The following ST3GAL3 variants were observed in gnomAD, a reference collection of about 807,000 sequenced individuals.
ST3GAL3 encodes CMP-N-acetylneuraminate-beta-1,4-galactoside alpha-2,3-sialyltransferase.
A neutral mutation model predicts 50.1 loss-of-function variants in ST3GAL3; 21 were observed. The observed-to-expected ratio is 0.42, with a 90% confidence interval of 0.30 to 0.60. ST3GAL3 has a LOEUF of 0.60. Among genes scored for constraint, ST3GAL3 ranks in the 20% least tolerant of loss-of-function variants. ST3GAL3 has a pLI of 0.19. For missense variants in ST3GAL3, 353 were observed against 489.4 expected (o/e 0.72, Z 2.63); for synonymous variants, 183 against 190.0 (o/e 0.96, Z 0.30).
chr1:43,813,932 C>T (rs1264349485), intron 3 of ST3GAL3, among the ~76,000 whole-genome samples: 2 of 141,640 alleles, frequency 1.4e-5, no homozygotes, highest in Admixed American at 7.1e-5. Flanking sequence ...CACACACACA[C>T]ACTGCAACTA....
intron 1 of ST3GAL3, among the ~76,000 whole-genome samples, chr1:43,721,834 A>G (rs1027216982): frequency 6.7e-6 from 1 of 150,118 alleles, no homozygotes; most frequent in African/African-American, 2.5e-5. Flanking sequence ...CTCCTGACCT[A>G]AGGTGATCTG....
intron 3 of ST3GAL3, among the ~76,000 whole-genome samples, chr1:43,809,681 G>T (rs957597107): frequency 1.3e-5 from 2 of 149,860 alleles, no homozygotes; most frequent in Non-Finnish European, 3.0e-5. Flanking sequence ...TGGGCTATGG[G>T]TTGAGACCCT....
rs1367773529 is a variant in ST3GAL3 at position 43,920,548 on chromosome 1, G to A, written c.889G>A (p.Gly297Arg). The change falls in exon 10 of 12, where the codon GGG becomes AGG. Residue 297 changes from glycine to arginine, a missense_variant and splice_region_variant. By Grantham distance (125) the Gly-to-Arg change is moderately radical. Coordinates refer to ENST00000347631, the MANE Select transcript of ST3GAL3 (RefSeq NM_006279.5). ...LPFNNGLMGR[G>R]NIPTLGSVAV... ...CTTCAACAATGGCCTCATGGGCCGG[G>A]GGGTGAGATATCTGGGCCCTGGGAG... 2 of 1,614,040 alleles carry A rather than the reference G, an allele frequency of 1.2e-6. No homozygotes were observed. Among genetic ancestry groups the A allele is most frequent in the South Asian group, 1.1e-5 (1 of 91,084 alleles).
chr1:43,779,733 A>G (rs1373456781), intron 2 of ST3GAL3, among the ~76,000 whole-genome samples: 1 of 152,236 alleles, frequency 6.6e-6, no homozygotes, highest in Non-Finnish European at 1.5e-5. Context: ...ATGACCATAG[A>G]AACACTATTC....
intron 5 of ST3GAL3, chr1:43,839,124 A>T (rs577718723): frequency 6.6e-6 from 1 of 152,532 alleles, no homozygotes; most frequent in Non-Finnish European, 1.5e-5. Context: ...AGGACACGTA[A>T]TGTGCTTGCA....
At chr1:43,765,768 TGTGTGTGTGTGTGTGTGCGCGC>T (rs1558201865) in intron 2 of ST3GAL3, among the ~76,000 whole-genome samples, 6 of 134,992 alleles carry the variant, frequency 4.4e-5, no homozygotes, top group African/African-American at 1.3e-4. Flanking sequence ...TGTGTGTGTG[TGTGTGTGTGTGTGTGTGCGCGC>T]GCGCGCGCGC....
chr1:43,920,513 T>C lies in ST3GAL3; in HGVS notation c.854T>C (p.Ile285Thr), dbSNP rs1490998257. 5 of 1,614,046 alleles carry C rather than the reference T, an allele frequency of 3.1e-6. No individual in the cohort carries two copies. Among genetic ancestry groups the C allele is most frequent in the East Asian group, 2.2e-5 (1 of 44,878 alleles). Residue 285 changes from isoleucine to threonine, a missense_variant, in exon 10 of 12, where the codon ATT (isoleucine) becomes ACT (threonine). By Grantham distance (89) the Ile-to-Thr change is moderately conservative. Transcript: ENST00000347631. ...YFIQEAAFTLIGLPFNNGLMG... is the reference protein window; with the variant it reads ...YFIQEAAFTLTGLPFNNGLMG... ...ATCCAGGAGGCCGCCTTCACCCTCA[T>C]TGGCCTGCCCTTCAACAATGGCCTC...
chr1:43,723,891 C>T (rs1052999169), intron 1 of ST3GAL3, among the ~76,000 whole-genome samples: 6 of 152,120 alleles, frequency 3.9e-5, no homozygotes, highest in East Asian at 1.9e-4. Context: ...GGATTACAGG[C>T]GTGAGCCACT....
chr1:43,917,489 AAT>A (rs566770986), intron 9 of ST3GAL3, among the ~76,000 whole-genome samples: 5 of 23,120 alleles, frequency 2.2e-4, no homozygotes, highest in South Asian at 1.8e-3. Context: ...TATAATATAT[AAT>A]ATATATAATA....
At chr1:43,743,545 C>G (rs1682032653) in intron 2 of ST3GAL3, 2 of 415,882 alleles carry the variant, frequency 4.8e-6, no homozygotes, top group South Asian at 3.5e-5. Context: ...GAGGGATACA[C>G]CATTTAGTAA....
chr1:43,858,819 C>A (rs2069157511), intron 5 of ST3GAL3, among the ~76,000 whole-genome samples: 1 of 152,194 alleles, frequency 6.6e-6, no homozygotes, highest in Non-Finnish European at 1.5e-5. Flanking sequence ...AAATAAATAG[C>A]CAGAGCTAGA....
intron 5 of ST3GAL3, chr1:43,851,064 G>T: frequency 1.2e-6 from 1 of 865,758 alleles, no homozygotes. Flanking sequence ...TGTCCACCAT[G>T]AGATACACCC....
intron 1 of ST3GAL3, among the ~76,000 whole-genome samples, chr1:43,715,973 G>A (rs1667178612): frequency 6.6e-6 from 1 of 152,170 alleles, no homozygotes; most frequent in African/African-American, 2.4e-5. Context: ...AAGGGTCTTG[G>A]GGACCCTTGA....
At chr1:43,863,608 G>C (rs1250788744) in intron 5 of ST3GAL3, among the ~76,000 whole-genome samples, 1 of 152,190 alleles carries the variant, frequency 6.6e-6, no homozygotes, top group African/African-American at 2.4e-5. Flanking sequence ...AGATCATAAA[G>C]AATAAAGAAT....
rs568072714 is a variant in ST3GAL3, at chr1:43,875,249, G to A, written c.303-19134G>A. Among the ~76,000 whole-genome samples, 5 of 152,280 alleles carry A rather than the reference G, an allele frequency of 3.3e-5. No homozygotes were observed. In the South Asian group the frequency reaches 6.2e-4, roughly 19 times the overall value. On this transcript the variant is annotated intron_variant, in intron 5 of 11. Coordinates refer to ENST00000347631, the MANE Select transcript of ST3GAL3 (RefSeq NM_006279.5). Reference sequence around the variant, plus strand: ...TTGAGGATTGTACGAGTTTAGCTATGACAGCAGGTGAGCTATAGATACATG... The same window carrying A: ...TTGAGGATTGTACGAGTTTAGCTATAACAGCAGGTGAGCTATAGATACATG...
intron 4 of ST3GAL3, among the ~76,000 whole-genome samples, chr1:43,828,109 T>C (rs1401346504): frequency 6.6e-6 from 1 of 152,150 alleles, no homozygotes; most frequent in Admixed American, 6.5e-5. Flanking sequence ...CACACAAATA[T>C]AGTCTGTTGA....
intron 3 of ST3GAL3, among the ~76,000 whole-genome samples, chr1:43,792,714 A>G (rs1238158963): frequency 6.6e-6 from 1 of 152,212 alleles, no homozygotes; most frequent in Non-Finnish European, 1.5e-5. Context: ...ACAGTGCAGG[A>G]CACACAGATC....
chr1:43,898,970 T>C, intron 7 of ST3GAL3, 198 bp from the exon 8 acceptor site: 1 of 658,648 alleles, frequency 1.5e-6, no homozygotes, highest in Non-Finnish European at 2.6e-6. Flanking sequence ...TAGATAGAGA[T>C]GCTGGAGAGT....
At chr1:43,881,514 A>T (rs2154256250) in intron 5 of ST3GAL3, among the ~76,000 whole-genome samples, 1 of 152,290 alleles carries the variant, frequency 6.6e-6, no homozygotes, top group East Asian at 1.9e-4. Context: ...GCAGCTTCTC[A>T]GCACACAGTT....
Sources: allele counts gnomAD v4.1 joint callset (sites outside exome capture counted in the v4.1 genomes callset), GRCh38; gene constraint gnomAD v4.1.1; transcripts MANE v1.5; gene names NCBI Gene and HGNC (gene_info 2026-07-23, HGNC 2026-07-21).